The following CNTNAP5 variants were observed in gnomAD, a reference collection of about 807,000 sequenced individuals.
CNTNAP5 encodes contactin-associated protein-like 5.
A neutral mutation model predicts 150.2 loss-of-function variants in CNTNAP5; 72 were observed. That is an observed-to-expected ratio of 0.48 (90% CI 0.40 to 0.58). The LOEUF (loss-of-function observed/expected upper bound fraction) is 0.58. CNTNAP5 is among the 20% of genes least tolerant of loss of function. The probability of loss-of-function intolerance (pLI) is 0.00; values close to 1 mark genes in which losing one functional copy is unlikely to be tolerated. For missense variants in CNTNAP5, 1,636 were observed against 1,626.2 expected (o/e 1.01, Z -0.10); for synonymous variants, 672 against 619.8 (o/e 1.08, Z -1.25).
chr2:124,863,316 G>A (rs1242809999), intron 19 of CNTNAP5, among the ~76,000 whole-genome samples: 1 of 152,216 alleles, frequency 6.6e-6, no homozygotes, highest in Non-Finnish European at 1.5e-5. Context: ...CACGAGATGG[G>A]CCTTTCCCTG....
intron 19 of CNTNAP5, among the ~76,000 whole-genome samples, chr2:124,860,307 GC>G (rs1677486282): frequency 6.6e-6 from 1 of 151,764 alleles, no homozygotes; most frequent in African/African-American, 2.4e-5. Context: ...CCGAGATAGT[GC>G]CATTGCACTC....
intron 1 of CNTNAP5, among the ~76,000 whole-genome samples, chr2:124,190,014 C>T (rs1685424101): frequency 1.3e-5 from 2 of 152,290 alleles, no homozygotes; most frequent in South Asian, 4.1e-4. Flanking sequence ...GAAACAATTA[C>T]CAACTTTCCT....
intron 3 of CNTNAP5, among the ~76,000 whole-genome samples, chr2:124,301,851 G>A (rs530537062): frequency 7.9e-5 from 12 of 152,336 alleles, no homozygotes; most frequent in African/African-American, 2.9e-4. Context: ...AAATGTCACT[G>A]AAGTACTGTT....
intron 13 of CNTNAP5, among the ~76,000 whole-genome samples, chr2:124,678,047 T>G (rs1045286912): frequency 6.6e-6 from 1 of 151,852 alleles, no homozygotes; most frequent in Non-Finnish European, 1.5e-5. Context: ...TGCCTTTTTG[T>G]TTGTCTAGTT....
At chr2:124,233,147 A>G (rs1324251118) in intron 2 of CNTNAP5, among the ~76,000 whole-genome samples, 2 of 152,092 alleles carry the variant, frequency 1.3e-5, no homozygotes, top group African/African-American at 2.4e-5. Context: ...ATTTAATTCA[A>G]CAATACCATC....
chr2:124,026,955 T>C (rs1377596711), intron 1 of CNTNAP5, among the ~76,000 whole-genome samples: 1 of 152,180 alleles, frequency 6.6e-6, no homozygotes, highest in Non-Finnish European at 1.5e-5. Context: ...TAGAAAAATG[T>C]TCACAACTGA....
chr2:124,899,352 T>C (rs927668822), intron 21 of CNTNAP5, among the ~76,000 whole-genome samples: 5 of 151,494 alleles, frequency 3.3e-5, no homozygotes, highest in Non-Finnish European at 7.4e-5. Flanking sequence ...TCAACTTAGG[T>C]AGACCTAATT....
At chr2:124,202,620 T>G (rs569019772) in intron 1 of CNTNAP5, among the ~76,000 whole-genome samples, 16 of 152,182 alleles carry the variant, frequency 1.1e-4, no homozygotes, top group African/African-American at 1.7e-4. Context: ...AGAGGTTTAA[T>G]GGACTCACAG....
intron 1 of CNTNAP5, among the ~76,000 whole-genome samples, chr2:124,117,852 AG>A (rs1457856931): frequency 6.6e-6 from 1 of 152,106 alleles, no homozygotes; most frequent in Non-Finnish European, 1.5e-5. Context: ...TCAGAAATTA[AG>A]TGGGAGGATT....
At chr2:124,435,870 C>T (rs1329680379) in intron 5 of CNTNAP5, among the ~76,000 whole-genome samples, 2 of 152,114 alleles carry the variant, frequency 1.3e-5, no homozygotes, top group African/African-American at 4.8e-5. Context: ...CAAAGTTTAA[C>T]TCAAAATTGA....
intron 3 of CNTNAP5, among the ~76,000 whole-genome samples, chr2:124,337,589 T>C (rs780047): frequency 0.01 from 1,566 of 152,320 alleles, 37 homozygotes; most frequent in African/African-American, 0.036. Context: ...GCTTTGTACA[T>C]GTGGCTAGCC....
At chr2:124,733,454 T>C (rs1329440885) in intron 13 of CNTNAP5, among the ~76,000 whole-genome samples, 1 of 152,106 alleles carries the variant, frequency 6.6e-6, no homozygotes, top group Non-Finnish European at 1.5e-5. Context: ...GAAGTAGAAT[T>C]TACATATGTC....
chr2:124,671,168 T>A (rs994003879), intron 13 of CNTNAP5, among the ~76,000 whole-genome samples: 3 of 152,234 alleles, frequency 2.0e-5, no homozygotes, highest in Non-Finnish European at 2.9e-5. Flanking sequence ...ATTATTAGCA[T>A]AATCATCACT....
At chr2:124,513,375 A>G (rs956707796) in intron 8 of CNTNAP5, among the ~76,000 whole-genome samples, 2 of 152,204 alleles carry the variant, frequency 1.3e-5, no homozygotes, top group African/African-American at 2.4e-5. Context: ...GTTTTTAGGT[A>G]TTAGGTGTTG....
rs762901729 is a variant in CNTNAP5 at position 124,306,719 on chromosome 2, C to CTTTTT, written c.381+64347_381+64351dup. Among the ~76,000 whole-genome samples the CTTTTT allele has an allele frequency of 2.2e-3, 141 of 64,304 alleles. 5 individuals are homozygous for CTTTTT. Among genetic ancestry groups the CTTTTT allele is most frequent in the African/African-American group, 5.9e-3 (95 of 16,018 alleles). 42.2% of individuals were successfully genotyped at this position (64,304 alleles called of 152,430 possible). On this transcript the variant is annotated intron_variant, in intron 3 of 23. Transcript: ENST00000682447. ...AAACTTGGTTTCTCTCTCTCTCTTT[C>CTTTTT]TTTTTTTTTTTTTTTTTTTTTTTTT... is the stretch of plus-strand genomic sequence containing the variant.
intron 3 of CNTNAP5, among the ~76,000 whole-genome samples, chr2:124,388,921 G>T (rs79261650): frequency 6.6e-6 from 1 of 152,142 alleles, no homozygotes; most frequent in African/African-American, 2.4e-5. Flanking sequence ...TGTGCTCACC[G>T]TTATTCCTAC....
At chr2:124,480,635 A>G (rs1693741555) in intron 7 of CNTNAP5, among the ~76,000 whole-genome samples, 3 of 152,162 alleles carry the variant, frequency 2.0e-5, no homozygotes, top group Non-Finnish European at 4.4e-5. Context: ...AAAGCCTATA[A>G]TCTCTTTAGC....
At chr2:124,537,347 A>G (rs1695262607) in intron 10 of CNTNAP5, among the ~76,000 whole-genome samples, 1 of 152,126 alleles carries the variant, frequency 6.6e-6, no homozygotes, top group South Asian at 2.1e-4. Flanking sequence ...AAAATCACAA[A>G]GGTGGTTGTA....
rs145812555 is a variant in CNTNAP5 at position 124,587,214 on chromosome 2, C to G, written c.1757-22587C>G. 1.9e-3 allele frequency among the ~76,000 whole-genome samples: 282 copies of G among 152,280 alleles called. 1 individual carries two copies. The highest frequency in any genetic ancestry group is 6.5e-3 in the African/African-American group (272 of 41,562). ...CTTTAGTTCCATGTGCTATAATCAT[C>G]TGTTCCATGACCATCTCCCTGTGCT... On this transcript the variant is annotated intron_variant, in intron 11 of 23. Coordinates refer to ENST00000682447, the MANE Select transcript of CNTNAP5 (RefSeq NM_001367498.1).
Sources: gnomAD v4.1 joint callset for allele counts (sites outside exome capture counted in the v4.1 genomes callset) on GRCh38, gnomAD v4.1.1 for gene constraint, MANE v1.5 for transcripts, NCBI Gene and HGNC (gene_info 2026-07-23, HGNC 2026-07-21) for gene names.